The following SLC4A4 variants were observed in gnomAD, a reference collection of about 807,000 sequenced individuals.
SLC4A4 encodes electrogenic sodium bicarbonate cotransporter 1.
In SLC4A4, 27 loss-of-function variants were observed where a neutral mutation model predicts 111.5. The ratio of observed to expected loss-of-function variants is 0.24; its 90% CI spans 0.18 to 0.33. The LOEUF is 0.33. SLC4A4 is among the 10% of genes least tolerant of loss of function. SLC4A4 has a pLI of 1.00. For missense variants in SLC4A4, 909 were observed against 1,315.5 expected, an observed-to-expected ratio of 0.69 and a Z score of 4.78; for synonymous variants, 443 against 463.4, an observed-to-expected ratio of 0.96 and a Z score of 0.57.
chr4:71,454,928 CAT>C (rs1055116456), intron 12 of SLC4A4, among the ~76,000 whole-genome samples: 15 of 152,186 alleles, frequency 9.9e-5, no homozygotes, highest in African/African-American at 3.6e-4. Flanking sequence ...CTTCTTTACT[CAT>C]GTGTTGGTGC....
chr4:71,116,589 A>T (rs1743272737), intron 2 of SLC4A4, among the ~76,000 whole-genome samples: 1 of 152,212 alleles, frequency 6.6e-6, no homozygotes, highest in Non-Finnish European at 1.5e-5. Context: ...GCTGGTTTTC[A>T]TTGTAAGGAA....
intron 2 of SLC4A4, among the ~76,000 whole-genome samples, chr4:71,112,252 G>A (rs116447510): frequency 0.013 from 1,958 of 152,220 alleles, 47 homozygotes; most frequent in African/African-American, 0.044. Context: ...AGTAGCATTC[G>A]GTTAGTTTTA....
chr4:71,463,283 A>C (rs907143436), intron 12 of SLC4A4, among the ~76,000 whole-genome samples: 1 of 152,186 alleles, frequency 6.6e-6, no homozygotes, highest in African/African-American at 2.4e-5. Context: ...ACACATATCC[A>C]CACATTGTTT....
At chr4:71,111,721 A>G (rs905993140) in intron 2 of SLC4A4, among the ~76,000 whole-genome samples, 1 of 145,606 alleles carries the variant, frequency 6.9e-6, no homozygotes, top group African/African-American at 2.6e-5. Context: ...TTTGAGACAG[A>G]ATCTCACTCT....
Position 71,503,229 on chromosome 4 carries a change from C to T in SLC4A4, c.2166+5537C>T, listed in dbSNP as rs149230657. On this transcript the variant is annotated intron_variant, in intron 16 of 25. Transcript: ENST00000264485. ...AGTGAGGGGATCTCTAGTAGGCAAA[C>T]TATAGTTTGGTCTTTTTTTTTTTTT... Among the ~76,000 whole-genome samples the T allele has an allele frequency of 2.7e-5, 4 of 149,170 alleles. No homozygotes were observed. In the East Asian group the frequency reaches 8.3e-4, roughly 31 times the overall value.
chr4:71,230,790 A>G (rs1719370608), intron 1 of SLC4A4, among the ~76,000 whole-genome samples: 1 of 152,184 alleles, frequency 6.6e-6, no homozygotes, highest in Non-Finnish European at 1.5e-5. Flanking sequence ...GGGATTGGGT[A>G]TACAAGCTCC....
chr4:71,525,027 A>C (rs754051946), intron 16 of SLC4A4, among the ~76,000 whole-genome samples: 2 of 151,986 alleles, frequency 1.3e-5, no homozygotes, highest in African/African-American at 4.8e-5. Flanking sequence ...TTTCCAAGAA[A>C]CCTAATTCAT....
chr4:71,321,631 G>A (rs1727128897), intron 3 of SLC4A4, among the ~76,000 whole-genome samples: 1 of 151,918 alleles, frequency 6.6e-6, no homozygotes, highest in Non-Finnish European at 1.5e-5. Flanking sequence ...GGGAGGGCCT[G>A]CTTGGAGTGT....
chr4:71,225,835 G>A (rs1469745068), intron 1 of SLC4A4, among the ~76,000 whole-genome samples: 1 of 152,200 alleles, frequency 6.6e-6, no homozygotes, highest in Non-Finnish European at 1.5e-5. Flanking sequence ...CACAGTAAAT[G>A]TGCAAAAGTC....
intron 3 of SLC4A4, among the ~76,000 whole-genome samples, chr4:71,336,406 A>G (rs529320554): frequency 9.2e-5 from 14 of 152,342 alleles, no homozygotes; most frequent in African/African-American, 3.4e-4. Flanking sequence ...TCTTGTTGTT[A>G]GCTATAAAGG....
chr4:71,145,815 G>A (rs1307886104), intron 2 of SLC4A4, among the ~76,000 whole-genome samples: 3 of 151,918 alleles, frequency 2.0e-5, no homozygotes, highest in African/African-American at 7.3e-5. Flanking sequence ...ATTTTTTCTT[G>A]CGTCTATTTG....
rs73828112 is a variant in SLC4A4 at position 71,374,853 on chromosome 4, A to G, written c.730+17666A>G. ...CAGACTTGTGCTTGACAAAATGGTG[A>G]TATGTGTGATATATTTATAATCAGA... is the stretch of plus-strand genomic sequence containing the variant. On this transcript the variant is annotated intron_variant, in intron 6 of 25. Transcript: ENST00000264485. 7.9e-3 allele frequency among the ~76,000 whole-genome samples: 1,201 copies of G among 151,870 alleles called. 17 individuals are homozygous for G. The highest frequency in any genetic ancestry group is 0.026 in the African/African-American group (1,061 of 41,372).
chr4:71,462,296 C>T (rs1726904136), intron 12 of SLC4A4, among the ~76,000 whole-genome samples: 1 of 152,026 alleles, frequency 6.6e-6, no homozygotes, highest in Non-Finnish European at 1.5e-5. Flanking sequence ...AGAAAGGTTA[C>T]CCAGTTGGTC....
Position 71,279,014 on chromosome 4 carries a change from G to A in SLC4A4, c.253+23615G>A, listed in dbSNP as rs375395341. On this transcript the variant is annotated intron_variant, in intron 3 of 25. Coordinates refer to ENST00000264485, the MANE Select transcript of SLC4A4 (RefSeq NM_001098484.3). ...TGATATTTTGATTAATGTATATACC[G>A]TGAAATAATTACCATAATCAAGCTA... Among the ~76,000 whole-genome samples, 138 of 152,172 alleles carry A rather than the reference G, an allele frequency of 9.1e-4. No homozygotes were observed. In the South Asian group the frequency reaches 0.01, roughly 11 times the overall value.
intron 6 of SLC4A4, among the ~76,000 whole-genome samples, chr4:71,382,533 T>C (rs1465268697): frequency 3.3e-5 from 5 of 152,236 alleles, no homozygotes; most frequent in African/African-American, 1.2e-4. Flanking sequence ...TCTGTGCAAA[T>C]GCTACTGCTT....
chr4:71,516,505 C>T (rs1449562928), intron 16 of SLC4A4, among the ~76,000 whole-genome samples: 1 of 152,142 alleles, frequency 6.6e-6, no homozygotes, highest in African/African-American at 2.4e-5. Flanking sequence ...CATAGCTGCT[C>T]AGGTCTTAGT....
rs200864559 is a variant in SLC4A4 at position 71,360,341 on chromosome 4, AT to A, written c.730+3165del. On this transcript the variant is annotated intron_variant, in intron 6 of 25. Transcript: ENST00000264485. ...CTATAAATCAGGGCTTGATTTTTAA[AT>A]TTTTTTTTTTGACCATTTGTCTCTA... 1.5e-3 allele frequency among the ~76,000 whole-genome samples: 219 copies of A among 149,258 alleles called. 1 individual carries two copies. In the East Asian group the frequency reaches 0.017, roughly 12 times the overall value.
chr4:71,518,504 C>T (rs1012137151), intron 16 of SLC4A4, among the ~76,000 whole-genome samples: 3 of 152,006 alleles, frequency 2.0e-5, no homozygotes, highest in African/African-American at 7.2e-5. Context: ...TGACCTCACT[C>T]TACACTAGTC....
intron 3 of SLC4A4, among the ~76,000 whole-genome samples, chr4:71,325,668 A>G (rs1017251573): frequency 6.6e-6 from 1 of 152,062 alleles, no homozygotes; most frequent in Non-Finnish European, 1.5e-5. Flanking sequence ...TGTTTCACCT[A>G]TATCAGGTCA....
Sources: allele counts gnomAD v4.1 joint callset (sites outside exome capture counted in the v4.1 genomes callset), GRCh38; gene constraint gnomAD v4.1.1; transcripts MANE v1.5; gene names NCBI Gene and HGNC (gene_info 2026-07-23, HGNC 2026-07-21).